DMD: variants seen among roughly 807,000 people sequenced by gnomAD.
The protein encoded by DMD is mutant dystrophin.
In DMD, 63 loss-of-function variants were observed where a neutral mutation model predicts 330.1. That is an observed-to-expected ratio of 0.19 (90% confidence interval 0.16 to 0.24). The LOEUF (loss-of-function observed/expected upper bound fraction) is 0.24, where lower values mean the gene tolerates loss of function less well. DMD is among the 10% of genes least tolerant of loss of function. DMD has a pLI of 1.00. For missense variants in DMD, 3,344 were observed against 2,684.1 expected, an observed-to-expected ratio of 1.25 and a Z score of -5.43; for synonymous variants, 1,223 against 959.8, an observed-to-expected ratio of 1.27 and a Z score of -5.07.
At chrX:31,159,450 T>TA (rs777825131) in intron 74 of DMD, among the ~76,000 whole-genome samples, 12 of 111,376 alleles carry the variant, frequency 1.1e-4, no homozygotes, top group African/African-American at 3.9e-4. Context: ...ATTAAGATAG[T>TA]AAAAAAATAA....
At chrX:31,190,059 A>G (rs12008507) in intron 67 of DMD, among the ~76,000 whole-genome samples, 3,333 of 112,447 alleles carry the variant, frequency 0.03, 132 homozygotes, top group African/African-American at 0.1. Flanking sequence ...GGAACTGCAC[A>G]GGCAGATAGC....
chrX:32,178,981 T>TCC lies in DMD; in HGVS notation c.6438+37933_6438+37934dup, dbSNP rs1557194234. Among the ~76,000 whole-genome samples, 4 of 98,151 alleles carry TCC rather than the reference T, an allele frequency of 4.1e-5. No individual in the cohort carries two copies. The East Asian group carries it at 1.3e-3, about 31-fold the overall frequency. 85.2% of individuals were successfully genotyped at this position (98,151 alleles called of 115,157 possible). ...CTCTCTCTCTCTCTCTCTCTCTCTC[T>TCC]CCCTCTCCTCCTGCTCCTCCTCCTC... On this transcript the variant is annotated intron_variant, in intron 44 of 78. Transcript: ENST00000357033.
intron 16 of DMD, among the ~76,000 whole-genome samples, chrX:32,555,916 G>A (rs757471681): frequency 3.6e-5 from 4 of 111,598 alleles, no homozygotes; most frequent in South Asian, 3.7e-4. Context: ...ATGGGCAAAG[G>A]TTTCATGAGG....
intron 54 of DMD, among the ~76,000 whole-genome samples, chrX:31,654,570 C>A (rs185138918): frequency 6.3e-5 from 7 of 111,685 alleles, no homozygotes; most frequent in African/African-American, 2.3e-4. Context: ...TGGAATACTA[C>A]GTAGCCATAA....
At chrX:33,038,949 G>T (rs1602990988) in intron 1 of DMD, among the ~76,000 whole-genome samples, 1 of 111,372 alleles carries the variant, frequency 9.0e-6, no homozygotes, top group Non-Finnish European at 1.9e-5. Flanking sequence ...AGCCAAGATC[G>T]CGTCACTGCA....
At chrX:32,279,790 T>A (rs1230931218) in intron 43 of DMD, among the ~76,000 whole-genome samples, 2 of 109,617 alleles carry the variant, frequency 1.8e-5, no homozygotes, top group Non-Finnish European at 3.8e-5. Context: ...ACAATTTAAT[T>A]GTACATTTTT....
intron 1 of DMD, among the ~76,000 whole-genome samples, chrX:33,081,266 T>G (rs147601256): frequency 3.6e-5 from 4 of 111,496 alleles, no homozygotes; most frequent in Non-Finnish European, 5.7e-5. Context: ...ATTTCTTTTC[T>G]TATTTTTGTT....
chrX:32,127,809 G>A (rs1287270457), intron 44 of DMD, among the ~76,000 whole-genome samples: 1 of 112,335 alleles, frequency 8.9e-6, no homozygotes, highest in Non-Finnish European at 1.9e-5. Flanking sequence ...AGCTTTGAAA[G>A]TATTTCTAAT....
intron 2 of DMD, among the ~76,000 whole-genome samples, chrX:32,958,595 T>G (rs1262142586): frequency 4.5e-5 from 5 of 111,547 alleles, no homozygotes; most frequent in Non-Finnish European, 7.5e-5. Flanking sequence ...TCTCAAGTAA[T>G]CTCAAGTTAA....
intron 44 of DMD, among the ~76,000 whole-genome samples, chrX:32,147,624 AAAG>A (rs2096784121): frequency 9.0e-6 from 1 of 111,536 alleles, no homozygotes; most frequent in African/African-American, 3.3e-5. Context: ...TGTTAACATA[AAAG>A]AAGTAGTGAA....
chrX:32,850,524 T>C (rs772891036), intron 2 of DMD, among the ~76,000 whole-genome samples: 9 of 112,029 alleles, frequency 8.0e-5, no homozygotes, highest in African/African-American at 2.9e-4. Flanking sequence ...TTTCTGAGAT[T>C]AGCAGTAACA....
At chrX:31,547,749 C>T (rs1261314634) in intron 55 of DMD, among the ~76,000 whole-genome samples, 5 of 112,240 alleles carry the variant, frequency 4.5e-5, no homozygotes, top group African/African-American at 1.6e-4. Context: ...ATAAATGAGT[C>T]ATTTTCAGAC....
chrX:33,130,015 A>C (rs1250772414), intron 1 of DMD, among the ~76,000 whole-genome samples: 1 of 111,992 alleles, frequency 8.9e-6, no homozygotes, highest in Non-Finnish European at 1.9e-5. Flanking sequence ...AGTAAGTTCC[A>C]TGTCCTAGCT....
intron 50 of DMD, among the ~76,000 whole-genome samples, chrX:31,805,227 A>C (rs1175531588): frequency 9.0e-6 from 1 of 111,725 alleles, no homozygotes; most frequent in African/African-American, 3.3e-5. Flanking sequence ...TATATAATTT[A>C]ACTCTTCCTA....
At chrX:32,499,036 C>T (rs753879263) in intron 19 of DMD, among the ~76,000 whole-genome samples, 4 of 111,837 alleles carry the variant, frequency 3.6e-5, no homozygotes, top group East Asian at 2.8e-4. Flanking sequence ...CATTTAGAAA[C>T]GGACAGAAAT....
At chrX:32,722,552 G>A (rs1484495540) in intron 7 of DMD, among the ~76,000 whole-genome samples, 1 of 110,213 alleles carries the variant, frequency 9.1e-6, no homozygotes, top group Non-Finnish European at 1.9e-5. Context: ...TGGGTAGTAT[G>A]GAAATTTTAA....
At chrX:32,512,298 C>T (rs748382133) in intron 18 of DMD, among the ~76,000 whole-genome samples, 98 of 111,638 alleles carry the variant, frequency 8.8e-4, no homozygotes, top group Non-Finnish European at 1.5e-3. Flanking sequence ...AGTCCTACTC[C>T]GACATTAGAA....
chrX:32,494,065 T>C (rs370011184), intron 19 of DMD, among the ~76,000 whole-genome samples: 1 of 111,636 alleles, frequency 9.0e-6, no homozygotes, highest in Non-Finnish European at 1.9e-5. Context: ...AAACTATAAG[T>C]TGATTTTCAA....
In DMD at chrX:32,821,888, A is replaced by G. The variant is rs2078291223; in HGVS notation, c.357+1407T>C. 2.7e-5 allele frequency among the ~76,000 whole-genome samples: 3 copies of G among 110,422 alleles called. No homozygotes were observed. In the Admixed American group the frequency reaches 2.9e-4, roughly 11 times the overall value. ...AAAATTAGATCGCTATGATGGCTAT[A>G]TAACTCTGTAAATATCCTGCAAATT... On this transcript the variant is annotated intron_variant, in intron 5 of 78. Transcript: ENST00000357033.
Sources: allele counts gnomAD v4.1 joint callset (sites outside exome capture counted in the v4.1 genomes callset), GRCh38; gene constraint gnomAD v4.1.1; transcripts MANE v1.5; gene names NCBI Gene and HGNC (gene_info 2026-07-23, HGNC 2026-07-21).